Variants in CBFA2T2 observed in about 807,000 individuals in gnomAD.
CBFA2T2 encodes the protein CBFA2/RUNX1 partner transcriptional co-repressor 2.
CBFA2T2 carries 11 observed loss-of-function variants against 62.2 expected under a neutral mutation model. The ratio of observed to expected loss-of-function variants is 0.18; its 90% CI spans 0.11 to 0.29. The LOEUF (loss-of-function observed/expected upper bound fraction) is 0.29, where lower values mean the gene tolerates loss of function less well. CBFA2T2 is among the 10% of genes least tolerant of loss of function. The pLI is 1.00. For missense variants in CBFA2T2, 592 were observed against 774.1 expected (o/e 0.76, Z 2.79); for synonymous variants, 295 against 287.5 (o/e 1.03, Z -0.27).
intron 1 of CBFA2T2, among the ~76,000 whole-genome samples, chr20:33,564,012 A>G (rs1050049687): frequency 7.9e-5 from 12 of 152,260 alleles, no homozygotes; most frequent in Middle Eastern, 6.8e-3. Flanking sequence ...TTGTGACGAC[A>G]CTGTTGAAAT....
chr20:33,499,328 T>C (rs1169828787), intron 1 of CBFA2T2, among the ~76,000 whole-genome samples: 1 of 152,230 alleles, frequency 6.6e-6, no homozygotes, highest in Admixed American at 6.5e-5. Flanking sequence ...ACCATTCTTT[T>C]GTAAAGATTT....
Position 33,516,185 on chromosome 20 carries a change from G to T in CBFA2T2, c.34+25884G>T, listed in dbSNP as rs185636543. Reference sequence around the variant, plus strand: ...TGAACAATAATTTAAAAACTACAGCGTCAGACGGGCATGGTGGCTCACACT... The same window carrying T: ...TGAACAATAATTTAAAAACTACAGCTTCAGACGGGCATGGTGGCTCACACT... On this transcript the variant is annotated intron_variant, in intron 1 of 10. Transcript: ENST00000342704. Among the ~76,000 whole-genome samples, 33 of 151,864 alleles carry T rather than the reference G, an allele frequency of 2.2e-4. 1 individual carries two copies. The highest frequency in any genetic ancestry group is 2.1e-3 in the Admixed American group (32 of 15,236).
In CBFA2T2 at chr20:33,579,105, G is replaced by GTT. The variant is rs1299627561; in HGVS notation, c.35-27843_35-27842dup. 2.8e-3 allele frequency among the ~76,000 whole-genome samples: 399 copies of GTT among 140,062 alleles called. 4 individuals are homozygous for GTT. The highest frequency in any genetic ancestry group is 0.021 in the East Asian group (103 of 4,904). 91.9% of individuals were successfully genotyped at this position (140,062 alleles called of 152,430 possible). Reference sequence around the variant, plus strand: ...GAGTGCCTTTTTGGTTTTTTTGGGGGTTTTTTTTTGTTTTTTTTTTTTTTT... The same window carrying GTT: ...GAGTGCCTTTTTGGTTTTTTTGGGGGTTTTTTTTTTTGTTTTTTTTTTTTTTT... On this transcript the variant is annotated intron_variant, in intron 1 of 10. Coordinates refer to ENST00000342704, the MANE Select transcript of CBFA2T2 (RefSeq NM_001032999.3).
intron 1 of CBFA2T2, among the ~76,000 whole-genome samples, chr20:33,494,257 ATATATATATATATATATTTTTTTTT>A: frequency 1.4e-5 from 1 of 70,424 alleles, no homozygotes; most frequent in South Asian, 5.7e-4. Flanking sequence ...ATATATATAT[ATATATATATATATATATTTTTTTTT>A]TTTTTTTTTT....
At chr20:33,494,245 A>G (rs201274750) in intron 1 of CBFA2T2, among the ~76,000 whole-genome samples, 463 of 21,932 alleles carry the variant, frequency 0.021, 7 homozygotes, top group Admixed American at 0.058. Context: ...ATATATGTGT[A>G]TATATATATA....
intron 1 of CBFA2T2, among the ~76,000 whole-genome samples, chr20:33,571,621 G>A (rs1033554444): frequency 2.0e-5 from 3 of 151,984 alleles, no homozygotes; most frequent in Non-Finnish European, 4.4e-5. Flanking sequence ...TATTAATTTC[G>A]ATTTACCAAT....
At position 33,648,131 on chromosome 20, in the gene CBFA2T2, C is replaced by T. The variant is rs1269533766; in HGVS notation, c.*3485C>T. On this transcript the variant is annotated 3_prime_UTR_variant, in exon 11 of 11. Coordinates refer to ENST00000342704, the MANE Select transcript of CBFA2T2 (RefSeq NM_001032999.3). ...GTGGAAATTCAGCCTGCTTAGAGGA[C>T]TGACCTCTACAGTTCATATTTGCAG... 2.0e-5 allele frequency: 3 copies of T among 152,256 alleles called. No individual in the cohort carries two copies. Among genetic ancestry groups the T allele is most frequent in the Non-Finnish European group, 4.4e-5 (3 of 68,062 alleles). 9.4% of individuals were successfully genotyped at this position (152,256 alleles called of 1,614,324 possible).
chr20:33,621,287 CTTT>C lies in CBFA2T2; in HGVS notation c.510+1705_510+1707del, dbSNP rs199805350. 3.5e-3 allele frequency among the ~76,000 whole-genome samples: 296 copies of C among 85,268 alleles called. 3 individuals carry two copies. The highest frequency in any genetic ancestry group is 0.014 in the Middle Eastern group (2 of 144). The allele number at this position is 85,268 out of a possible 152,430, so 55.9% of individuals were successfully genotyped here. On this transcript the variant is annotated intron_variant, in intron 4 of 10. Coordinates refer to ENST00000342704, the MANE Select transcript of CBFA2T2 (RefSeq NM_001032999.3). ...TCTATAATACCTTTAATTTTACTGC[CTTT>C]TTTTTTTTTTTTTTTTTTTTTTTGG...
At chr20:33,604,995 A>C (rs998339464) in intron 1 of CBFA2T2, among the ~76,000 whole-genome samples, 1 of 152,240 alleles carries the variant, frequency 6.6e-6, no homozygotes, top group Non-Finnish European at 1.5e-5. Context: ...TGTCCTGAAC[A>C]GAGAAATGGG....
rs1342431145 is a variant in CBFA2T2 at position 33,575,041 on chromosome 20, C to CTAGCAACT, written c.35-31913_35-31906dup. On this transcript the variant is annotated intron_variant, in intron 1 of 10. Coordinates refer to ENST00000342704, the MANE Select transcript of CBFA2T2 (RefSeq NM_001032999.3). Reference sequence around the variant, plus strand: ...TGGCAAAATAATTTCTAAAATATTTCTAGCAACTTCATTTTCATTTTATCT... The same window carrying CTAGCAACT: ...TGGCAAAATAATTTCTAAAATATTTCTAGCAACTTAGCAACTTCATTTTCATTTTATCT... Among the ~76,000 whole-genome samples, 20 of 152,288 alleles carry CTAGCAACT rather than the reference C, an allele frequency of 1.3e-4. No homozygotes were observed. In the East Asian group the frequency reaches 3.5e-3, roughly 26 times the overall value.
At chr20:33,497,274 CAAAAAAAAAAAA>C (rs34528525) in intron 1 of CBFA2T2, among the ~76,000 whole-genome samples, 6 of 58,070 alleles carry the variant, frequency 1.0e-4, no homozygotes, top group Non-Finnish European at 1.5e-4. Flanking sequence ...ACCCTGTCTC[CAAAAAAAAAAAA>C]AAAAAAAAAA....
intron 1 of CBFA2T2, among the ~76,000 whole-genome samples, chr20:33,544,147 T>C (rs1302969868): frequency 6.6e-6 from 1 of 152,210 alleles, no homozygotes; most frequent in Non-Finnish European, 1.5e-5. Context: ...CCCATTTTAC[T>C]GAAAGAGACC....
At chr20:33,578,584 A>G (rs945632705) in intron 1 of CBFA2T2, among the ~76,000 whole-genome samples, 1 of 152,202 alleles carries the variant, frequency 6.6e-6, no homozygotes, top group African/African-American at 2.4e-5. Flanking sequence ...TGGTGCATAC[A>G]GCTATCATCC....
At chr20:33,574,026 C>G (rs1271452084) in intron 1 of CBFA2T2, 7 of 1,166,192 alleles carry the variant, frequency 6.0e-6, no homozygotes, top group Non-Finnish European at 8.1e-6. Flanking sequence ...TGGGCTAAAG[C>G]GATCTTCCCA....
chr20:33,630,038 A>T, intron 8 of CBFA2T2, 124 bp downstream of exon 8: 3 of 819,574 alleles, frequency 3.7e-6, no homozygotes, highest in Non-Finnish European at 5.5e-6. Context: ...GATTTAGGGA[A>T]ACTCAGGTGA....
intron 1 of CBFA2T2, among the ~76,000 whole-genome samples, chr20:33,537,511 G>T (rs1170185449): frequency 6.6e-6 from 1 of 152,182 alleles, no homozygotes; most frequent in African/African-American, 2.4e-5. Context: ...GGGCCGTGGT[G>T]AGAGTGAGAG....
intron 1 of CBFA2T2, among the ~76,000 whole-genome samples, chr20:33,552,592 C>T (rs943023134): frequency 9.9e-5 from 15 of 152,150 alleles, no homozygotes; most frequent in Non-Finnish European, 5.9e-5. Context: ...ACTGTCAAGC[C>T]GTGTGGATGT....
intron 3 of CBFA2T2, among the ~76,000 whole-genome samples, chr20:33,612,775 GT>G (rs1568852482): frequency 1.3e-5 from 2 of 152,214 alleles, no homozygotes; most frequent in African/African-American, 4.8e-5. Flanking sequence ...AGACCAAACA[GT>G]TTAAGAATTA....
intron 1 of CBFA2T2, among the ~76,000 whole-genome samples, chr20:33,586,701 T>C (rs2014386582): frequency 6.6e-6 from 1 of 152,124 alleles, no homozygotes; most frequent in Non-Finnish European, 1.5e-5. Context: ...CAAGGTGACG[T>C]GTTTGGAAAG....
Sources: allele counts gnomAD v4.1 joint callset (sites outside exome capture counted in the v4.1 genomes callset), GRCh38; gene constraint gnomAD v4.1.1; transcripts MANE v1.5; gene names NCBI Gene and HGNC (gene_info 2026-07-23, HGNC 2026-07-21).